CFAP52: variants seen among roughly 807,000 people sequenced by gnomAD.
CFAP52 encodes cilia and flagella associated protein 52.
CFAP52 carries 57 observed loss-of-function variants against 70.5 expected under a neutral mutation model. The observed-to-expected ratio is 0.81, with a 90% CI of 0.65 to 1.01. CFAP52 has a LOEUF of 1.01. Among genes scored for constraint, CFAP52 ranks in the 50% least tolerant of loss-of-function variants. The pLI is 0.00. For missense variants in CFAP52, 785 were observed against 788.5 expected (o/e 1.00, Z 0.05); for synonymous variants, 267 against 292.5 (o/e 0.91, Z 0.89).
chr17:9,581,713 T>C (rs972148657), intron 1 of CFAP52, among the ~76,000 whole-genome samples: 1 of 152,218 alleles, frequency 6.6e-6, no homozygotes, highest in African/African-American at 2.4e-5. Context: ...ATTTGAGAAG[T>C]ATCCCAAGAT....
Position 9,631,018 on chromosome 17 carries a change from GAA to G in CFAP52, c.1175-1868_1175-1867del, listed in dbSNP as rs1491444556. Among the ~76,000 whole-genome samples, 101 of 63,508 alleles carry G rather than the reference GAA, an allele frequency of 1.6e-3. 1 individual carries two copies. Among genetic ancestry groups the G allele is most frequent in the African/African-American group, 5.2e-3 (57 of 10,898 alleles). 41.7% of individuals were successfully genotyped at this position (63,508 alleles called of 152,430 possible). A position where few individuals can be genotyped will look rare whatever the true frequency, so the allele number is the denominator to read the frequency against. On this transcript the variant is annotated intron_variant, in intron 9 of 13. Transcript: ENST00000352665. ...AGAAAGAAAGAAAGAAAGAAAGAAA[GAA>G]AGAAAGAAAGAGAGAGAGAGAGAGA... is the stretch of plus-strand genomic sequence containing the variant.
rs549879460 is a variant in CFAP52 at position 9,588,436 on chromosome 17, T to C, written c.407+1602T>C. On this transcript the variant is annotated intron_variant, in intron 3 of 13. Transcript: ENST00000352665. Reference sequence around the variant, plus strand: ...CAGGGTAGAGCTGGCTGCGCAGCTGTATGTGGGAGATGCCAGCTCAAGCAG... The same window carrying C: ...CAGGGTAGAGCTGGCTGCGCAGCTGCATGTGGGAGATGCCAGCTCAAGCAG... Among the ~76,000 whole-genome samples the C allele has an allele frequency of 1.5e-4, 23 of 152,258 alleles. No individual in the cohort carries two copies. In the East Asian group the frequency reaches 1.5e-3, roughly 10 times the overall value.
At chr17:9,606,949 T>A (rs945331141) in intron 6 of CFAP52, among the ~76,000 whole-genome samples, 10 of 152,222 alleles carry the variant, frequency 6.6e-5, no homozygotes, top group Admixed American at 6.5e-4. Context: ...CAGGCTAAAT[T>A]CAGTGTAAAG....
intron 6 of CFAP52, among the ~76,000 whole-genome samples, chr17:9,605,617 A>T (rs1909453048): frequency 7.0e-6 from 1 of 143,852 alleles, no homozygotes. Context: ...AATTGCTTCA[A>T]CTCAGGAGGT....
intron 7 of CFAP52, 88 bp downstream of exon 7, chr17:9,608,307 A>G: frequency 2.7e-6 from 3 of 1,098,158 alleles, no homozygotes; most frequent in Non-Finnish European, 2.5e-6. Context: ...GATATCGGCA[A>G]AGTGATATTT....
At chr17:9,602,711 A>G (rs1332509222) in intron 6 of CFAP52, among the ~76,000 whole-genome samples, 1 of 152,194 alleles carries the variant, frequency 6.6e-6, no homozygotes, top group Non-Finnish European at 1.5e-5. Flanking sequence ...ACAATGGCTG[A>G]ACTAATTTAC....
chr17:9,631,124 G>A lies in CFAP52; in HGVS notation c.1175-1764G>A, dbSNP rs56404223. Among the ~76,000 whole-genome samples the A allele has an allele frequency of 2.3e-3, 346 of 148,472 alleles. 12 individuals are homozygous for A. Among genetic ancestry groups the A allele is most frequent in the Middle Eastern group, 0.011 (3 of 282 alleles). On this transcript the variant is annotated intron_variant, in intron 9 of 13. Coordinates refer to ENST00000352665, the MANE Select transcript of CFAP52 (RefSeq NM_145054.5). ...AAAGAAAGAACATAAGTCAGAATTT[G>A]CCATATTTAGGGCTCAAAAGTCTTT... is the stretch of plus-strand genomic sequence containing the variant.
intron 3 of CFAP52, among the ~76,000 whole-genome samples, chr17:9,588,597 G>C (rs9916826): frequency 0.58 from 88,410 of 151,876 alleles, 29,643 homozygotes; most frequent in Non-Finnish European, 0.77. Flanking sequence ...GCATGGGCTG[G>C]ACCTGGACCC....
At chr17:9,594,043 G>C (rs1597771688) in intron 3 of CFAP52, 150 bp from the exon 4 acceptor site, 1 of 1,098,914 alleles carries the variant, frequency 9.1e-7, no homozygotes, top group Non-Finnish European at 1.2e-6. Flanking sequence ...GTGTAGTTGA[G>C]GAGATGTCAG....
At chr17:9,629,703 C>T (rs1031821798) in intron 9 of CFAP52, among the ~76,000 whole-genome samples, 1 of 147,276 alleles carries the variant, frequency 6.8e-6, no homozygotes, top group Admixed American at 6.7e-5. Flanking sequence ...ACGCTCCTGC[C>T]TCAGCCTCCC....
At chr17:9,645,391 C>CG (rs1911286713), downstream of CFAP52, 1 of 269,992 alleles carries the variant, frequency 3.7e-6, no homozygotes, top group Non-Finnish European at 6.8e-6. The surrounding 1 kb of genome is among the most constrained non-coding windows in gnomAD (Gnocchi z 6.8). Flanking sequence ...GTCAGCGCAG[C>CG]GGGGGCGGCA....
intron 4 of CFAP52, among the ~76,000 whole-genome samples, chr17:9,596,044 G>GAT (rs1412427079): frequency 1.6e-5 from 1 of 61,952 alleles, no homozygotes; most frequent in South Asian, 5.0e-4. Context: ...TATGTATGTA[G>GAT]ATATATATGT....
chr17:9,607,568 A>G (rs1416393734), intron 6 of CFAP52, among the ~76,000 whole-genome samples: 2 of 152,240 alleles, frequency 1.3e-5, no homozygotes, highest in African/African-American at 4.8e-5. Context: ...CAGATAATAC[A>G]GTCGCCAAAC....
chr17:9,641,212 G>A (rs1349697842), intron 12 of CFAP52, among the ~76,000 whole-genome samples: 1 of 152,146 alleles, frequency 6.6e-6, no homozygotes, highest in Non-Finnish European at 1.5e-5. Flanking sequence ...TCTACCCTGT[G>A]GAATATTTCA....
At chr17:9,623,109 A>G (rs1910110983) in intron 8 of CFAP52, among the ~76,000 whole-genome samples, 1 of 152,136 alleles carries the variant, frequency 6.6e-6, no homozygotes, top group African/African-American at 2.4e-5. Context: ...TGTTTTGCAT[A>G]TCTTAAAGCT....
intron 3 of CFAP52, 123 bp from the exon 4 acceptor site, chr17:9,594,070 T>G: frequency 3.6e-6 from 5 of 1,380,660 alleles, no homozygotes; most frequent in Admixed American, 5.4e-5. Flanking sequence ...GGTAATTTTG[T>G]TGTTCGTTTT....
At chr17:9,594,537 T>G in intron 4 of CFAP52, 2 of 474,602 alleles carry the variant, frequency 4.2e-6, no homozygotes, top group South Asian at 4.1e-5. Flanking sequence ...CTGAAAAGAT[T>G]TTGCTTACCT....
intron 10 of CFAP52, among the ~76,000 whole-genome samples, chr17:9,633,498 C>T (rs1423641856): frequency 1.3e-5 from 2 of 152,060 alleles, no homozygotes; most frequent in African/African-American, 2.4e-5. Context: ...AGCAACCATG[C>T]CTGGCCTATA....
chr17:9,591,960 G>T (rs150666055), intron 3 of CFAP52, among the ~76,000 whole-genome samples: 8 of 152,236 alleles, frequency 5.3e-5, no homozygotes, highest in African/African-American at 1.9e-4. Context: ...TATGCAAAAG[G>T]ATCCAAAATT....
Sources: allele counts gnomAD v4.1 joint callset (sites outside exome capture counted in the v4.1 genomes callset), GRCh38; gene constraint gnomAD v4.1.1; non-coding constraint Gnocchi (gnomAD v3.1); transcripts MANE v1.5; gene names NCBI Gene and HGNC (gene_info 2026-07-23, HGNC 2026-07-21).